PPP1R13B: variants seen among roughly 807,000 people sequenced by gnomAD.
PPP1R13B encodes the protein apoptosis-stimulating of p53 protein 1.
Under a neutral mutation model 119.8 loss-of-function variants are expected in PPP1R13B, and 44 were observed. The ratio of observed to expected loss-of-function variants is 0.37; its 90% CI spans 0.29 to 0.47. PPP1R13B has a LOEUF of 0.47. Ranked by LOEUF, PPP1R13B falls within the 20% of genes least tolerant of loss-of-function variation. The probability of loss-of-function intolerance (pLI) is 0.99; values close to 1 mark genes in which losing one functional copy is unlikely to be tolerated. For synonymous variants in PPP1R13B, 542 were observed against 561.5 expected (o/e 0.97, Z 0.49); for missense variants, 1,227 against 1,413.5 (o/e 0.87, Z 2.12).
intron 2 of PPP1R13B, among the ~76,000 whole-genome samples, chr14:103,794,954 G>T (rs2085722911): frequency 6.6e-6 from 1 of 151,050 alleles, no homozygotes; most frequent in East Asian, 2.0e-4. Context: ...ATGTTTGTTT[G>T]TTTTTTTTTG....
chr14:103,747,977 C>G (rs1288853098), intron 8 of PPP1R13B, among the ~76,000 whole-genome samples: 2 of 151,976 alleles, frequency 1.3e-5, no homozygotes, highest in Non-Finnish European at 2.9e-5. Flanking sequence ...GCTGCAACAT[C>G]CTCCCTGGGC....
intron 1 of PPP1R13B, among the ~76,000 whole-genome samples, chr14:103,813,278 C>T (rs1321574083): frequency 6.6e-6 from 1 of 151,720 alleles, no homozygotes; most frequent in Non-Finnish European, 1.5e-5. Context: ...ACTGTACTTT[C>T]ACGTCCCCAC....
At chr14:103,832,698 C>T (rs143104813) in intron 1 of PPP1R13B, among the ~76,000 whole-genome samples, 1 of 152,170 alleles carries the variant, frequency 6.6e-6, no homozygotes, top group Non-Finnish European at 1.5e-5. Context: ...GTGGCCCATG[C>T]CTATAATCCC....
rs2084058755 is a variant in PPP1R13B at position 103,735,024 on chromosome 14, T to C, written c.*130A>G. The C allele has an allele frequency of 2.0e-6, 2 of 1,006,470 alleles. No individual in the cohort carries two copies. Among genetic ancestry groups the C allele is most frequent in the Non-Finnish European group, 3.1e-6 (2 of 646,254 alleles). 62.3% of individuals were successfully genotyped at this position (1,006,470 alleles called of 1,614,324 possible). A position where few individuals can be genotyped will look rare whatever the true frequency, so the allele number is the denominator to read the frequency against. On this transcript the variant is annotated 3_prime_UTR_variant, in exon 17 of 17. Transcript: ENST00000202556. ...CCTGGAAACTGTAGGATTCACATTGTGGACGCTGTCTGCTAAAGTGAGCAC... is the reference window on the plus strand; with the variant it reads ...CCTGGAAACTGTAGGATTCACATTGCGGACGCTGTCTGCTAAAGTGAGCAC...
intron 2 of PPP1R13B, among the ~76,000 whole-genome samples, chr14:103,792,192 GTGTGTGTGTA>G (rs1195794636): frequency 5.7e-5 from 8 of 139,436 alleles, no homozygotes; most frequent in Non-Finnish European, 8.1e-5. Context: ...GTGTGTGTGT[GTGTGTGTGTA>G]TATTTTTTTA....
At chr14:103,785,006 G>T in intron 2 of PPP1R13B, 92 bp from the exon 3 acceptor site, 1 of 1,152,698 alleles carries the variant, frequency 8.7e-7, no homozygotes, top group Non-Finnish European at 1.2e-6. Context: ...ATGTATATAT[G>T]CACACATGTA....
chr14:103,835,616 A>ATT (rs35377630), intron 1 of PPP1R13B, among the ~76,000 whole-genome samples: 13 of 147,746 alleles, frequency 8.8e-5, no homozygotes, highest in East Asian at 2.0e-4. Context: ...TTATTTATTT[A>ATT]TTTTTTTTTT....
Position 103,738,794 on chromosome 14 carries a change from G to C in PPP1R13B, c.2749C>G (p.Pro917Ala). Residue 917 changes from proline (P) to alanine (A), a missense_variant, in exon 14 of 17, where the codon CCC becomes GCC. Pro to Ala is a conservative substitution (Grantham distance 27). Transcript: ENST00000202556. The surrounding 1 kb of genome is among the most constrained non-coding windows in gnomAD (Gnocchi z 5.6). ...AGTGGGGTGATCCCTTCGTCGTTGG[G>C]CTTGCTGGGATCTTCCACCTAGGAC... ...IIYEVEDPSKPNDEGITPLHN... is the reference protein window; with the variant it reads ...IIYEVEDPSKANDEGITPLHN... 6.2e-7 allele frequency: 1 copy of C among 1,614,170 alleles called. No individual in the cohort carries two copies. The highest frequency in any genetic ancestry group is 8.5e-7 in the Non-Finnish European group (1 of 1,180,036).
At chr14:103,785,751 C>T (rs2085448244) in intron 2 of PPP1R13B, among the ~76,000 whole-genome samples, 1 of 151,922 alleles carries the variant, frequency 6.6e-6, no homozygotes. Context: ...GCCTCCTGGC[C>T]TCAGGTGATC....
intron 14 of PPP1R13B, 138 bp from the exon 15 acceptor site, chr14:103,737,998 A>G: frequency 1.9e-6 from 2 of 1,051,606 alleles, no homozygotes; most frequent in South Asian, 1.7e-5. Context: ...GTTTCTTTAA[A>G]GGCAGGATTT....
intron 1 of PPP1R13B, among the ~76,000 whole-genome samples, chr14:103,841,370 T>C (rs1289763359): frequency 6.6e-6 from 1 of 151,604 alleles, no homozygotes; most frequent in Non-Finnish European, 1.5e-5. Flanking sequence ...GGCAGATCAC[T>C]TGAAGTCAGG....
intron 2 of PPP1R13B, 110 bp downstream of exon 2, chr14:103,797,261 C>T (rs1193646574): frequency 2.5e-5 from 28 of 1,137,298 alleles, no homozygotes; most frequent in Non-Finnish European, 3.5e-5. Flanking sequence ...TACTTAGTTA[C>T]TTTTTTTCCC....
intron 5 of PPP1R13B, 21 bp from the exon 6 acceptor site, chr14:103,754,265 G>T (rs2084622022): frequency 6.3e-7 from 1 of 1,596,430 alleles, no homozygotes; most frequent in South Asian, 1.1e-5. Context: ...AAAGAAAAAT[G>T]TAACTTTGAA....
At chr14:103,800,829 T>G (rs1031551965) in intron 1 of PPP1R13B, among the ~76,000 whole-genome samples, 1 of 152,092 alleles carries the variant, frequency 6.6e-6, no homozygotes, top group African/African-American at 2.4e-5. Flanking sequence ...CTCTAACTCC[T>G]CACCGTTACC....
intron 1 of PPP1R13B, among the ~76,000 whole-genome samples, chr14:103,807,377 A>C: frequency 6.6e-6 from 1 of 152,208 alleles, no homozygotes; most frequent in Non-Finnish European, 1.5e-5. Context: ...GTCTGTTGTC[A>C]CTAGAACACA....
intron 4 of PPP1R13B, chr14:103,763,310 T>C (rs2084854402): frequency 3.0e-6 from 1 of 336,378 alleles, no homozygotes; most frequent in South Asian, 4.1e-5. Context: ...AAGGGGGGTC[T>C]GTTAACTAGT....
chr14:103,755,648 C>T (rs745822226), intron 5 of PPP1R13B, among the ~76,000 whole-genome samples: 8 of 152,224 alleles, frequency 5.3e-5, no homozygotes, highest in Middle Eastern at 6.8e-3. Context: ...ACAATATGTG[C>T]TTAAATATTT....
At chr14:103,807,831 A>C (rs1242923882) in intron 1 of PPP1R13B, among the ~76,000 whole-genome samples, 7 of 152,078 alleles carry the variant, frequency 4.6e-5, no homozygotes, top group African/African-American at 1.7e-4. Flanking sequence ...TTGAATCATG[A>C]CAGGTAGGTG....
rs180708522 is a variant in PPP1R13B at position 103,809,904 on chromosome 14, G to A, written c.10-12386C>T. On this transcript the variant is annotated intron_variant, in intron 1 of 16. Coordinates refer to ENST00000202556, the MANE Select transcript of PPP1R13B (RefSeq NM_015316.3). ...TGCAGTGGCACGATCTCGGCTCACTGCAACCTCTGCCTCCCGGGTTCAAGT... is the reference window on the plus strand; with the variant it reads ...TGCAGTGGCACGATCTCGGCTCACTACAACCTCTGCCTCCCGGGTTCAAGT... Among the ~76,000 whole-genome samples, 463 of 151,438 alleles carry A rather than the reference G, an allele frequency of 3.1e-3. 2 individuals are homozygous for A. Among genetic ancestry groups the A allele is most frequent in the African/African-American group, 0.011 (449 of 41,450 alleles).
Sources: allele counts gnomAD v4.1 joint callset (sites outside exome capture counted in the v4.1 genomes callset), GRCh38; gene constraint gnomAD v4.1.1; non-coding constraint Gnocchi (gnomAD v3.1); transcripts MANE v1.5; gene names NCBI Gene and HGNC (gene_info 2026-07-23, HGNC 2026-07-21).